Variants in CERS4 observed in about 807,000 individuals in gnomAD.
The protein encoded by CERS4 is ceramide synthase 4, also known as LAG1 homolog, ceramide synthase 4.
In CERS4, 65 loss-of-function variants were observed where a neutral mutation model predicts 51.8. The ratio of observed to expected loss-of-function variants is 1.26; its 90% CI spans 1.03 to 1.54. The LOEUF (loss-of-function observed/expected upper bound fraction) is 1.54. Ranked by LOEUF, CERS4 falls within the 40% of genes most tolerant of loss-of-function variation. The pLI, the probability that CERS4 is intolerant of heterozygous loss-of-function variation, is 0.00. For synonymous variants in CERS4, 228 were observed against 208.4 expected (o/e 1.09, Z -0.81); for missense variants, 563 against 500.4 (o/e 1.13, Z -1.19).
At chr19:8,242,300 G>A (rs1968570875) in intron 2 of CERS4, among the ~76,000 whole-genome samples, 1 of 152,188 alleles carries the variant, frequency 6.6e-6, no homozygotes, top group Admixed American at 6.6e-5. Flanking sequence ...TGAGGTTAGT[G>A]AGAGAGTAGG....
intron 2 of CERS4, among the ~76,000 whole-genome samples, chr19:8,242,541 G>T (rs1968581944): frequency 6.6e-6 from 1 of 152,172 alleles, no homozygotes; most frequent in African/African-American, 2.4e-5. Context: ...TTGCGGGAGG[G>T]TGCTTTAACA....
chr19:8,216,067 T>C (rs1403248540), intron 2 of CERS4, among the ~76,000 whole-genome samples: 1 of 152,088 alleles, frequency 6.6e-6, no homozygotes, highest in Non-Finnish European at 1.5e-5. Context: ...AGGGAGGGCT[T>C]CCTGACCTCC....
Position 8,256,356 on chromosome 19 carries a change from A to G in CERS4, c.519+70A>G, listed in dbSNP as rs1969381602. 13 of 1,537,252 alleles carry G rather than the reference A, an allele frequency of 8.5e-6. No individual in the cohort carries two copies. The Admixed American group carries it at 2.2e-4, about 25-fold the overall frequency. On this transcript the variant is annotated intron_variant, in intron 7 of 11. Transcript: ENST00000251363. ...GATCACAGTTGCTGCAGCCATGGGC[A>G]TGGGACCCGAACCCTGACACTACAC...
chr19:8,228,528 T>C (rs2145201718), intron 2 of CERS4, among the ~76,000 whole-genome samples: 1 of 151,576 alleles, frequency 6.6e-6, no homozygotes, highest in Non-Finnish European at 1.5e-5. Context: ...TATAAAAAAT[T>C]AGCTGGGTGT....
At position 8,255,726 on chromosome 19, in the gene CERS4, G is replaced by C. The variant is rs1400448659; in HGVS notation, c.410+1G>C. 1.3e-6 allele frequency: 2 copies of C among 1,497,238 alleles called. No homozygotes were observed. Among genetic ancestry groups the C allele is most frequent in the African/African-American group, 1.4e-5 (1 of 69,582 alleles). 92.7% of individuals were successfully genotyped at this position (1,497,238 alleles called of 1,614,324 possible). Reference sequence around the variant, plus strand: ...TGACCAAGAAGTTCTGTGAGGCCAGGTAAGCCCAGGATGGGGCTTCTGGGG... The same window carrying C: ...TGACCAAGAAGTTCTGTGAGGCCAGCTAAGCCCAGGATGGGGCTTCTGGGG... On this transcript the variant is annotated splice_donor_variant, in intron 5 of 11. Transcript: ENST00000251363. LOFTEE classifies it high-confidence loss of function.
intron 2 of CERS4, among the ~76,000 whole-genome samples, chr19:8,233,903 C>T (rs556910129): frequency 2.0e-4 from 31 of 152,096 alleles, no homozygotes; most frequent in Non-Finnish European, 2.9e-4. Context: ...GCCTGTAGTC[C>T]CAGCTGCTCA....
At chr19:8,241,185 C>G (rs954729549) in intron 2 of CERS4, among the ~76,000 whole-genome samples, 1 of 152,182 alleles carries the variant, frequency 6.6e-6, no homozygotes, top group Non-Finnish European at 1.5e-5. Flanking sequence ...ACCTCAGATG[C>G]TGGAAACCGT....
intron 2 of CERS4, among the ~76,000 whole-genome samples, chr19:8,231,022 TAG>T (rs138300152): frequency 0.014 from 2,165 of 152,244 alleles, 41 homozygotes; most frequent in African/African-American, 0.049. Context: ...GTATTTTTTG[TAG>T]AGACGGTGTT....
intron 2 of CERS4, among the ~76,000 whole-genome samples, chr19:8,246,279 C>T (rs1968784785): frequency 6.6e-6 from 1 of 150,434 alleles, no homozygotes; most frequent in Non-Finnish European, 1.5e-5. Context: ...GTGTGCGGGC[C>T]AGGCGCAGTG....
At chr19:8,238,172 G>A (rs974694224) in intron 2 of CERS4, among the ~76,000 whole-genome samples, 1 of 151,976 alleles carries the variant, frequency 6.6e-6, no homozygotes, top group African/African-American at 2.4e-5. Flanking sequence ...GATGCTGGGG[G>A]CCCCTGGAGA....
intron 2 of CERS4, chr19:8,239,635 G>C (rs1373112271): frequency 6.6e-6 from 1 of 152,162 alleles, no homozygotes; most frequent in African/African-American, 2.4e-5. Context: ...TGCTGACTGA[G>C]TGACCTGTGA....
At chr19:8,237,945 A>AT (rs1189883180) in intron 2 of CERS4, among the ~76,000 whole-genome samples, 7 of 152,080 alleles carry the variant, frequency 4.6e-5, no homozygotes, top group East Asian at 1.9e-4. Context: ...TTTTATTTTT[A>AT]TTTTTTTACC....
chr19:8,224,355 A>G (rs1260226320), intron 2 of CERS4, among the ~76,000 whole-genome samples: 4 of 150,268 alleles, frequency 2.7e-5, no homozygotes, highest in Admixed American at 6.7e-5. Flanking sequence ...TGCGGTGAGT[A>G]GAGATTGTGC....
chr19:8,238,002 A>G (rs1328312704), intron 2 of CERS4, among the ~76,000 whole-genome samples: 2 of 151,802 alleles, frequency 1.3e-5, no homozygotes, highest in Non-Finnish European at 2.9e-5. Context: ...TGTATACTTA[A>G]TCCTGTCTCT....
chr19:8,256,331 G>A, intron 7 of CERS4, 45 bp downstream of exon 7: 1 of 1,603,050 alleles, frequency 6.2e-7, no homozygotes, highest in Middle Eastern at 1.7e-4. Flanking sequence ...TGAGGGCGAT[G>A]ATCACAGTTG....
chr19:8,259,220 G>A (rs117032819), intron 10 of CERS4, among the ~76,000 whole-genome samples: 6,867 of 152,280 alleles, frequency 0.045, 239 homozygotes, highest in Admixed American at 0.083. Flanking sequence ...CTCGCTGGCA[G>A]CGTTTGTACC....
intron 2 of CERS4, among the ~76,000 whole-genome samples, chr19:8,218,357 G>A (rs1967391374): frequency 6.6e-6 from 1 of 152,192 alleles, no homozygotes; most frequent in African/African-American, 2.4e-5. Context: ...ACCATGCCAG[G>A]CATCAGATAA....
At chr19:8,228,494 G>A (rs1206131799) in intron 2 of CERS4, among the ~76,000 whole-genome samples, 2 of 151,990 alleles carry the variant, frequency 1.3e-5, no homozygotes, top group East Asian at 1.9e-4. Context: ...GGCCAGCATG[G>A]CGAAACCCCA....
intron 2 of CERS4, chr19:8,250,793 G>A: frequency 1.7e-6 from 2 of 1,165,810 alleles, no homozygotes; most frequent in South Asian, 3.4e-5. Flanking sequence ...GGTTCAGAGA[G>A]GTCAAGTCAT....
Sources: gnomAD v4.1 joint callset for allele counts (sites outside exome capture counted in the v4.1 genomes callset) on GRCh38, gnomAD v4.1.1 for gene constraint, MANE v1.5 for transcripts, NCBI Gene and HGNC (gene_info 2026-07-23, HGNC 2026-07-21) for gene names.